Variants in MAN1B1 observed in about 807,000 individuals in gnomAD.
The protein encoded by MAN1B1 is endoplasmic reticulum mannosyl-oligosaccharide 1,2-alpha-mannosidase.
A neutral mutation model predicts 75.5 loss-of-function variants in MAN1B1; 66 were observed. That is an observed-to-expected ratio of 0.87 (90% CI 0.72 to 1.07). The LOEUF (loss-of-function observed/expected upper bound fraction) is 1.07, where lower values mean the gene tolerates loss of function less well. MAN1B1 is among the 50% of genes least tolerant of loss of function. The probability of loss-of-function intolerance (pLI) is 0.00; values close to 1 mark genes in which losing one functional copy is unlikely to be tolerated. For synonymous variants in MAN1B1, 453 were observed against 382.8 expected (o/e 1.18, Z -2.14); for missense variants, 973 against 912.5 (o/e 1.07, Z -0.85).
intron 4 of MAN1B1, among the ~76,000 whole-genome samples, chr9:137,097,158 A>T (rs777879676): frequency 6.6e-6 from 1 of 152,236 alleles, no homozygotes; most frequent in African/African-American, 2.4e-5. Flanking sequence ...TAGCGTTGGC[A>T]TGAATGCAAG....
intron 3 of MAN1B1, among the ~76,000 whole-genome samples, chr9:137,095,376 A>G (rs1408107938): frequency 6.6e-6 from 1 of 151,754 alleles, no homozygotes; most frequent in Admixed American, 6.6e-5. Flanking sequence ...CCTTTTTTAA[A>G]AAAAAAAAAA....
chr9:137,101,432 C>G, intron 7 of MAN1B1, 52 bp from the exon 8 acceptor site: 2 of 1,473,094 alleles, frequency 1.4e-6, no homozygotes, highest in Admixed American at 3.7e-5. Flanking sequence ...AGGGTGTAGA[C>G]GAGGCCTCTG....
intron 5 of MAN1B1, among the ~76,000 whole-genome samples, chr9:137,099,339 C>T (rs1055953143): frequency 1.3e-5 from 2 of 152,274 alleles, no homozygotes; most frequent in African/African-American, 4.8e-5. Flanking sequence ...TGTCCCAGCG[C>T]CCTTGGGGCA....
chr9:137,088,533 A>G, intron 2 of MAN1B1: 1 of 1,031,516 alleles, frequency 9.7e-7, no homozygotes, highest in Non-Finnish European at 1.4e-6. Context: ...AGTTCTGGTG[A>G]GGATGTGGAG....
rs762612795 is a variant in MAN1B1, at chr9:137,099,841, C to T, written c.876C>T (p.Ile292=). ...GGTTTGGCCTCGGTCTCACACTGAT[C>T]GACGCGCTGGACACCATGTGGATCT... ...SEWFGLGLTL[I]DALDTMWILG... Residue 292 remains isoleucine, a synonymous_variant, in exon 6 of 13, where the codon ATC becomes ATT. Coordinates refer to ENST00000371589, the MANE Select transcript of MAN1B1 (RefSeq NM_016219.5). 31 of 1,614,094 alleles carry T rather than the reference C, an allele frequency of 1.9e-5. 1 individual carries two copies. In the Middle Eastern group the frequency reaches 1.6e-3, roughly 86 times the overall value.
intron 8 of MAN1B1, chr9:137,102,745 T>G (rs1411445235): frequency 2.3e-6 from 1 of 440,930 alleles, no homozygotes; most frequent in Non-Finnish European, 4.5e-6. Flanking sequence ...TGCAGGTCGG[T>G]GGTGTTACAT....
intron 2 of MAN1B1, chr9:137,088,666 T>C: frequency 1.4e-6 from 1 of 720,296 alleles, no homozygotes; most frequent in Non-Finnish European, 2.3e-6. Context: ...TGGGGTTCTG[T>C]GTTATGGACA....
At chr9:137,105,324 G>A (rs1386944541) in intron 8 of MAN1B1, 1 of 158,760 alleles carries the variant, frequency 6.3e-6, no homozygotes, top group Non-Finnish European at 1.4e-5. Context: ...GTGGTGAGAA[G>A]TGCAGCCCAC....
intron 5 of MAN1B1, among the ~76,000 whole-genome samples, chr9:137,099,016 G>A (rs1830733716): frequency 6.6e-6 from 1 of 152,150 alleles, no homozygotes; most frequent in Non-Finnish European, 1.5e-5. Flanking sequence ...TTTTAGTAGA[G>A]ACGGGGTTTC....
rs1162008960 is a variant in MAN1B1, at chr9:137,108,535, G to C, written c.2044G>C (p.Asp682His). The C allele has an allele frequency of 6.2e-7, 1 of 1,613,988 alleles. No individual in the cohort carries two copies. Residue 682 changes from aspartate (D) to histidine (H), a missense_variant, in exon 13 of 13, where the codon GAT (aspartate) becomes CAT (histidine). Physicochemically the swap from Asp to His is moderately conservative, Grantham distance 81. Coordinates refer to ENST00000371589, the MANE Select transcript of MAN1B1 (RefSeq NM_016219.5). Reference protein sequence around the residue: ...FSDDPNLLSLDAYVFNTEAHP... With the variant: ...FSDDPNLLSLHAYVFNTEAHP... ...CGATGACCCAAACCTGCTCAGCCTGGATGCCTACGTGTTCAACACCGAAGC... is the reference window on the plus strand; with the variant it reads ...CGATGACCCAAACCTGCTCAGCCTGCATGCCTACGTGTTCAACACCGAAGC...
chr9:137,101,385 C>G (rs1830805661), intron 7 of MAN1B1, 99 bp from the exon 8 acceptor site: 2 of 1,253,894 alleles, frequency 1.6e-6, no homozygotes, highest in South Asian at 1.2e-5. Flanking sequence ...TGTGTTGACC[C>G]CAGAGAGCCT....
chr9:137,088,550 T>G, intron 2 of MAN1B1: 2 of 933,626 alleles, frequency 2.1e-6, no homozygotes, highest in Non-Finnish European at 3.2e-6. Context: ...GGAGAATCTC[T>G]TCTCACTTGG....
In MAN1B1 at chr9:137,092,481, T is replaced by C. The variant is rs1179016810; in HGVS notation, c.465+3476T>C. ...GGATTGGTCCCTGTTTCTTTTTTTA[T>C]GCACATGAGAATATTCCCTTTCATA... On this transcript the variant is annotated intron_variant, in intron 3 of 12. Transcript: ENST00000371589. Among the ~76,000 whole-genome samples, 5 of 152,272 alleles carry C rather than the reference T, an allele frequency of 3.3e-5. No individual in the cohort carries two copies. The East Asian group carries it at 9.6e-4, about 29-fold the overall frequency.
Position 137,101,924 on chromosome 9 carries a change from TACAC to T in MAN1B1, c.1254+256_1254+259del, listed in dbSNP as rs55927175. On this transcript the variant is annotated intron_variant, in intron 8 of 12. Coordinates refer to ENST00000371589, the MANE Select transcript of MAN1B1 (RefSeq NM_016219.5). ...TTGCAGGCGTGCAGGTCGGTGGTGT[TACAC>T]ACATTTGGGCTGTTGCAGGCGTACA... 0.29 allele frequency: 184,341 copies of T among 630,756 alleles called. 30,708 individuals carry two copies. The highest frequency in any genetic ancestry group is 0.36 in the Non-Finnish European group (122,504 of 340,152). The allele number at this position is 630,756 out of a possible 1,614,324, so 39.1% of individuals were successfully genotyped here. A position where few individuals can be genotyped will look rare whatever the true frequency, so the allele number is the denominator to read the frequency against.
intron 4 of MAN1B1, 128 bp downstream of exon 4, chr9:137,096,519 G>A (rs1480935446): frequency 7.8e-7 from 1 of 1,277,726 alleles, no homozygotes; most frequent in African/African-American, 1.5e-5. Flanking sequence ...TCTGTAATCT[G>A]TCCTCATTAA....
At chr9:137,106,075 C>T (rs370958400) in intron 8 of MAN1B1, 50 bp from the exon 9 acceptor site, 1 of 1,482,218 alleles carries the variant, frequency 6.7e-7, no homozygotes, top group Non-Finnish European at 9.4e-7. Flanking sequence ...ACAGCTCACC[C>T]TGCAGCTCGG....
At chr9:137,106,854 T>C (rs1343763587) in intron 10 of MAN1B1, 45 bp downstream of exon 10, 1 of 1,606,274 alleles carries the variant, frequency 6.2e-7, no homozygotes, top group Non-Finnish European at 8.5e-7. Flanking sequence ...CCTTTTACCT[T>C]GGCTTCCAAG....
Position 137,091,565 on chromosome 9 carries a change from T to C in MAN1B1, c.465+2560T>C, listed in dbSNP as rs142681323. Among the ~76,000 whole-genome samples, 1,192 of 149,542 alleles carry C rather than the reference T, an allele frequency of 8.0e-3. 10 individuals carry two copies. Among genetic ancestry groups the C allele is most frequent in the African/African-American group, 0.021 (872 of 40,746 alleles). On this transcript the variant is annotated intron_variant, in intron 3 of 12. Coordinates refer to ENST00000371589, the MANE Select transcript of MAN1B1 (RefSeq NM_016219.5). ...TTTTTGAGACAGAGTCTTCCTCTGT[T>C]TCCCAGGCTGCAGTGCAGTAGCGCA...
At chr9:137,097,069 C>T (rs1422739698) in intron 4 of MAN1B1, among the ~76,000 whole-genome samples, 3 of 152,172 alleles carry the variant, frequency 2.0e-5, no homozygotes, top group Non-Finnish European at 4.4e-5. Flanking sequence ...AACTCAAGCG[C>T]GTGGTGAGAG....
Sources: allele counts gnomAD v4.1 joint callset (sites outside exome capture counted in the v4.1 genomes callset), GRCh38; gene constraint gnomAD v4.1.1; transcripts MANE v1.5; gene names NCBI Gene and HGNC (gene_info 2026-07-23, HGNC 2026-07-21).